The following MORF4L1 variants were observed in gnomAD, a reference collection of about 807,000 sequenced individuals.
MORF4L1 encodes mortality factor 4-like protein 1.
Under a neutral mutation model 52.9 loss-of-function variants are expected in MORF4L1, and 4 were observed. The observed-to-expected ratio is 0.08, with a 90% CI of 0.04 to 0.17. The LOEUF is 0.17. Among genes scored for constraint, MORF4L1 ranks in the 10% least tolerant of loss-of-function variants. The pLI is 1.00. For synonymous variants in MORF4L1, 123 were observed against 134.8 expected (o/e 0.91, Z 0.61); for missense variants, 214 against 390.4 (o/e 0.55, Z 3.81).
Position 78,894,152 on chromosome 15 carries a change from T to G in MORF4L1, c.724T>G (p.Tyr242Asp). The change falls in exon 10 of 12, where the codon TAT becomes GAT. Residue 242 changes from tyrosine (Y) to aspartate (D), a missense_variant. Physicochemically the swap from Tyr to Asp is radical, Grantham distance 160 (BLOSUM62 -3). This residue lies in a region of MORF4L1 where 68 missense variants were observed against 171.6 expected (regional missense o/e 0.40). Coordinates refer to ENST00000426013, the MANE Select transcript of MORF4L1 (RefSeq NM_006791.4). ...ACTCTATAAATTTGAGAGACCACAG[T>G]ATGCTGAAATTCTTGCAGATCATCC... ...QLLYKFERPQ[Y>D]AEILADHPDA... The G allele has an allele frequency of 1.2e-6, 2 of 1,614,044 alleles. No individual in the cohort carries two copies. The highest frequency in any genetic ancestry group is 1.7e-6 in the Non-Finnish European group (2 of 1,179,922).
chr15:78,887,632 G>A (rs1413184822), intron 5 of MORF4L1, among the ~76,000 whole-genome samples: 1 of 152,126 alleles, frequency 6.6e-6, no homozygotes, highest in Non-Finnish European at 1.5e-5. Context: ...GATAACTTTT[G>A]GCAAGCCTTT....
chr15:78,876,374 T>C, intron 1 of MORF4L1: 1 of 340,122 alleles, frequency 2.9e-6, no homozygotes, highest in African/African-American at 2.1e-5. Context: ...AGTGATTGCT[T>C]TGCACTGGAC....
Position 78,897,498 on chromosome 15 carries a change from A to G in MORF4L1, c.*431A>G. The G allele has an allele frequency of 6.5e-6, 1 of 154,142 alleles. No homozygotes were observed. The highest frequency in any genetic ancestry group is 2.4e-5 in the African/African-American group (1 of 41,246). The allele number at this position is 154,142 out of a possible 1,614,324, so 9.5% of individuals were successfully genotyped here. ...TCCATTTGTGCTTTTGTTTTTTTTT[A>G]TGGTGCTTAAAGTAAAGAGCCCATC... On this transcript the variant is annotated 3_prime_UTR_variant, in exon 12 of 12. Transcript: ENST00000426013.
chr15:78,896,955 A>C, intron 11 of MORF4L1, 28 bp from the exon 12 acceptor site: 2 of 1,590,484 alleles, frequency 1.3e-6, no homozygotes, highest in Non-Finnish European at 1.7e-6. Context: ...ACCTTTAAAA[A>C]TTTTTGTAAT....
At chr15:78,878,468 T>C (rs1356936773) in intron 2 of MORF4L1, among the ~76,000 whole-genome samples, 3 of 152,236 alleles carry the variant, frequency 2.0e-5, no homozygotes, top group Non-Finnish European at 4.4e-5. Context: ...CTCTTCCACT[T>C]TTCTTACTCA....
intron 3 of MORF4L1, among the ~76,000 whole-genome samples, chr15:78,880,986 TG>T (rs1185701129): frequency 1.3e-5 from 2 of 151,930 alleles, no homozygotes; most frequent in Non-Finnish European, 2.9e-5. Context: ...AAAAACTAGT[TG>T]GGTTTTCTGT....
At chr15:78,896,026 T>G (rs554819837) in intron 11 of MORF4L1, among the ~76,000 whole-genome samples, 123 of 152,292 alleles carry the variant, frequency 8.1e-4, no homozygotes, top group Non-Finnish European at 5.9e-5. Flanking sequence ...TCGCCCAGGC[T>G]GGAGTGCAGT....
intron 5 of MORF4L1, chr15:78,890,546 A>C (rs888243746): frequency 6.6e-6 from 1 of 152,354 alleles, no homozygotes; most frequent in African/African-American, 2.4e-5. Context: ...CAGTGGTGCA[A>C]TCAAGGCTCA....
Position 78,880,513 on chromosome 15 carries a change from G to C in MORF4L1, c.89G>C (p.Cys30Ser). ...FHGPLLYEAK[C>S]VKVAIKDKQV... Reference sequence around the variant, plus strand: ...TATTATTTTTTTTTTGAATTTCAGTGTGTAAAGGTTGCCATAAAGGACAAA... The same window carrying C: ...TATTATTTTTTTTTTGAATTTCAGTCTGTAAAGGTTGCCATAAAGGACAAA... Residue 30 changes from cysteine (C) to serine (S), a missense_variant and splice_region_variant, in exon 3 of 12, where the codon TGT becomes TCT. Cys to Ser is a moderately radical substitution (Grantham distance 112, BLOSUM62 -1). Coordinates refer to ENST00000426013, the MANE Select transcript of MORF4L1 (RefSeq NM_006791.4). The C allele has an allele frequency of 6.3e-7, 1 of 1,592,690 alleles. No individual in the cohort carries two copies. Among genetic ancestry groups the C allele is most frequent in the Non-Finnish European group, 8.5e-7 (1 of 1,169,874 alleles).
chr15:78,878,081 C>A, intron 1 of MORF4L1, 132 bp from the exon 2 acceptor site: 2 of 724,362 alleles, frequency 2.8e-6, no homozygotes, highest in Non-Finnish European at 4.2e-6. Context: ...CAAAGTGGTG[C>A]TCTGTATACC....
chr15:78,876,735 T>TC (rs749166429), intron 1 of MORF4L1: 2 of 340,730 alleles, frequency 5.9e-6, no homozygotes, highest in African/African-American at 4.3e-5. Context: ...TCTTTGATCT[T>TC]CCCGTTTTCC....
At chr15:78,880,298 AG>A (rs2056578034) in intron 2 of MORF4L1, among the ~76,000 whole-genome samples, 1 of 152,204 alleles carries the variant, frequency 6.6e-6, no homozygotes, top group Non-Finnish European at 1.5e-5. Flanking sequence ...TAAAGATTTA[AG>A]GTGACCTTTT....
intron 5 of MORF4L1, among the ~76,000 whole-genome samples, chr15:78,887,916 T>A (rs903702880): frequency 2.6e-5 from 4 of 152,158 alleles, no homozygotes; most frequent in African/African-American, 9.7e-5. Context: ...GTAGCGGGGA[T>A]TACAGGCGTG....
At chr15:78,873,409 G>T (rs1349183832) in intron 1 of MORF4L1, among the ~76,000 whole-genome samples, 1 of 151,690 alleles carries the variant, frequency 6.6e-6, no homozygotes, top group East Asian at 1.9e-4. Flanking sequence ...GGGAAGTGAT[G>T]TGGCGGCGGG....
chr15:78,894,416 A>AT (rs905495747), intron 10 of MORF4L1, 186 bp downstream of exon 10: 18,080 of 362,250 alleles, frequency 0.05, 4 homozygotes, highest in East Asian at 0.067. Flanking sequence ...TTATTTTATA[A>AT]TTTTTTTTTT....
At chr15:78,884,448 T>C (rs931216866) in intron 3 of MORF4L1, among the ~76,000 whole-genome samples, 4 of 151,866 alleles carry the variant, frequency 2.6e-5, no homozygotes, top group Middle Eastern at 3.2e-3. Flanking sequence ...GAGACAAGCC[T>C]GACCAACATG....
chr15:78,883,471 A>G (rs8025166), intron 3 of MORF4L1, among the ~76,000 whole-genome samples: 4,352 of 152,292 alleles, frequency 0.029, 240 homozygotes, highest in African/African-American at 0.1. Context: ...TGAAAATACC[A>G]AATGCTTGTA....
chr15:78,878,201 CT>C lies in MORF4L1; in HGVS notation c.41-11del. 6.2e-7 allele frequency: 1 copy of C among 1,606,698 alleles called. No homozygotes were observed. The highest frequency in any genetic ancestry group is 8.5e-7 in the Non-Finnish European group (1 of 1,177,572). On this transcript the variant is annotated splice_polypyrimidine_tract_variant and intron_variant, in intron 1 of 11. Coordinates refer to ENST00000426013, the MANE Select transcript of MORF4L1 (RefSeq NM_006791.4). ...AAGAAATTACAATTCAGTACTTTTT[CT>C]CCCTTTACAGGTGAGCGAGTGCTGT... is the stretch of plus-strand genomic sequence containing the variant.
At chr15:78,891,331 T>C (rs901111540) in intron 6 of MORF4L1, 153 bp from the exon 7 acceptor site, 1 of 678,286 alleles carries the variant, frequency 1.5e-6, no homozygotes, top group Non-Finnish European at 2.5e-6. Flanking sequence ...ATGAAAGTTG[T>C]ATTTTTGGTA....
Sources: gnomAD v4.1 joint callset for allele counts (sites outside exome capture counted in the v4.1 genomes callset) on GRCh38, gnomAD v4.1.1 for gene constraint, gnomAD v4.1.1 regional missense constraint, MANE v1.5 for transcripts, NCBI Gene and HGNC (gene_info 2026-07-23, HGNC 2026-07-21) for gene names.